Variants in CACNB2 observed in about 807,000 individuals in gnomAD.
The protein encoded by CACNB2 is voltage-dependent L-type calcium channel subunit beta-2.
Under a neutral mutation model 73.3 loss-of-function variants are expected in CACNB2, and 42 were observed. The observed-to-expected ratio is 0.57, with a 90% CI of 0.45 to 0.74. The LOEUF is 0.74. CACNB2 is among the 30% of genes least tolerant of loss of function. The pLI, the probability that CACNB2 is intolerant of heterozygous loss-of-function variation, is 0.00. For missense variants in CACNB2, 940 were observed against 853.0 expected, an observed-to-expected ratio of 1.10 and a Z score of -1.27; for synonymous variants, 348 against 310.3, an observed-to-expected ratio of 1.12 and a Z score of -1.28.
chr10:18,303,394 G>A (rs1322350233), intron 2 of CACNB2, among the ~76,000 whole-genome samples: 5 of 152,174 alleles, frequency 3.3e-5, no homozygotes, highest in South Asian at 2.1e-4. Context: ...GTTCCCAGCC[G>A]CTCAGGGGGC....
chr10:18,516,217 CA>C (rs144860586), intron 7 of CACNB2, among the ~76,000 whole-genome samples: 7,304 of 142,058 alleles, frequency 0.051, 266 homozygotes, highest in Non-Finnish European at 0.079. Flanking sequence ...AACTCTGTCT[CA>C]AAAAAAAGAA....
At chr10:18,410,085 T>C (rs571535423) in intron 3 of CACNB2, among the ~76,000 whole-genome samples, 1 of 152,230 alleles carries the variant, frequency 6.6e-6, no homozygotes, top group Non-Finnish European at 1.5e-5. Flanking sequence ...GCCTGTTACC[T>C]CCAGTTCCAC....
chr10:18,482,825 T>A (rs1369703402), intron 3 of CACNB2, among the ~76,000 whole-genome samples: 4 of 152,178 alleles, frequency 2.6e-5, no homozygotes, highest in Non-Finnish European at 5.9e-5. Flanking sequence ...GGTATCTTTA[T>A]TAAAGACCTT....
intron 2 of CACNB2, among the ~76,000 whole-genome samples, chr10:18,200,644 T>G (rs548700401): frequency 1.3e-5 from 2 of 152,296 alleles, no homozygotes; most frequent in East Asian, 3.9e-4. Flanking sequence ...AGTCTACCTT[T>G]TTCCCCGCGG....
At chr10:18,483,909 G>A (rs1049786889) in intron 3 of CACNB2, among the ~76,000 whole-genome samples, 6 of 152,052 alleles carry the variant, frequency 3.9e-5, no homozygotes, top group African/African-American at 4.8e-5. Context: ...TACTGTCCTC[G>A]CCACAGAATA....
intron 2 of CACNB2, among the ~76,000 whole-genome samples, chr10:18,377,482 C>A (rs1018290154): frequency 1.3e-5 from 2 of 152,136 alleles, no homozygotes; most frequent in Non-Finnish European, 2.9e-5. Context: ...ATAAAAGCAG[C>A]CATGAACAAT....
intron 6 of CACNB2, among the ~76,000 whole-genome samples, chr10:18,511,131 C>G (rs1292067961): frequency 3.3e-5 from 5 of 152,154 alleles, no homozygotes; most frequent in African/African-American, 9.7e-5. Flanking sequence ...CATGTTAAAC[C>G]TTTTAGCACA....
chr10:18,410,611 A>C (rs888737198), intron 3 of CACNB2, among the ~76,000 whole-genome samples: 6 of 152,212 alleles, frequency 3.9e-5, no homozygotes, highest in African/African-American at 1.4e-4. Context: ...TATGTTCTTA[A>C]ACCTACAAGA....
intron 2 of CACNB2, among the ~76,000 whole-genome samples, chr10:18,218,133 A>G (rs1010130724): frequency 6.6e-6 from 1 of 152,204 alleles, no homozygotes; most frequent in African/African-American, 2.4e-5. Flanking sequence ...AGACCACTTC[A>G]GTCTAACATG....
intron 2 of CACNB2, among the ~76,000 whole-genome samples, chr10:18,239,913 T>C (rs564244305): frequency 1.3e-3 from 192 of 152,322 alleles, no homozygotes; most frequent in African/African-American, 4.4e-3. Context: ...TCAAGGAATA[T>C]GTATATTACC....
At chr10:18,351,073 G>A (rs1421287919) in intron 2 of CACNB2, among the ~76,000 whole-genome samples, 2 of 151,462 alleles carry the variant, frequency 1.3e-5, no homozygotes, top group Non-Finnish European at 2.9e-5. Context: ...ATAGCATAGA[G>A]TCATTCTCAC....
At position 18,541,029 on chromosome 10, in the gene CACNB2, T is replaced by TA. The variant is rs2054043542; in HGVS notation, c.*1306dup. ...CTGGAAATGTACAATCTTTGTGTGT[T>TA]AGAGTATTTGTTTTAGTAAGAAATG... is the stretch of plus-strand genomic sequence containing the variant. On this transcript the variant is annotated 3_prime_UTR_variant, in exon 14 of 14. Transcript: ENST00000324631. 1 of 123,576 alleles carries TA rather than the reference T, an allele frequency of 8.1e-6. No homozygotes were observed. Among genetic ancestry groups the TA allele is most frequent in the Non-Finnish European group, 1.7e-5 (1 of 57,776 alleles). The allele number at this position is 123,576 out of a possible 1,614,324, so 7.7% of individuals were successfully genotyped here.
chr10:18,388,140 C>T (rs1163932096), intron 2 of CACNB2, among the ~76,000 whole-genome samples: 1 of 152,186 alleles, frequency 6.6e-6, no homozygotes, highest in East Asian at 1.9e-4. Flanking sequence ...GTTTTGCTAT[C>T]ATTAAAGTCC....
chr10:18,394,361 A>G (rs1056939096), intron 2 of CACNB2, among the ~76,000 whole-genome samples: 3 of 152,188 alleles, frequency 2.0e-5, no homozygotes, highest in African/African-American at 7.2e-5. Flanking sequence ...TGCCTTTATG[A>G]TCGTTAGAAA....
chr10:18,160,955 G>A (rs985473853), intron 2 of CACNB2, among the ~76,000 whole-genome samples: 1 of 152,084 alleles, frequency 6.6e-6, no homozygotes, highest in Non-Finnish European at 1.5e-5. Context: ...TCTTTAGTCC[G>A]CAATTGTGAC....
Position 18,539,596 on chromosome 10 carries a change from A to G in CACNB2, c.1855A>G (p.Asn619Asp), listed in dbSNP as rs1362502929. Residue 619 changes from asparagine to aspartate, a missense_variant, in exon 14 of 14, where the codon AAC (asparagine) becomes GAC (aspartate). Asn to Asp is a conservative substitution (Grantham distance 23, BLOSUM62 1). Transcript: ENST00000324631. ...SRDVDREQDHNECNKQRSRHK... is the reference protein window; with the variant it reads ...SRDVDREQDHDECNKQRSRHK... ...GGACGTGGATCGAGAGCAGGACCAC[A>G]ACGAGTGCAACAAGCAGCGCAGCCG... 1.2e-6 allele frequency: 2 copies of G among 1,613,764 alleles called. No homozygotes were observed. The highest frequency in any genetic ancestry group is 1.7e-6 in the Non-Finnish European group (2 of 1,179,916).
intron 2 of CACNB2, among the ~76,000 whole-genome samples, chr10:18,399,051 C>T (rs2043858457): frequency 6.6e-6 from 1 of 152,150 alleles, no homozygotes; most frequent in South Asian, 2.1e-4. Context: ...TTATGCGGCC[C>T]TCTCTTTATG....
chr10:18,171,121 A>G (rs2033194696), intron 2 of CACNB2, among the ~76,000 whole-genome samples: 1 of 152,142 alleles, frequency 6.6e-6, no homozygotes, highest in Admixed American at 6.6e-5. Context: ...CATTATGTTT[A>G]ACAGCACTGG....
chr10:18,150,774 T>TA (rs2031448389), intron 1 of CACNB2, 109 bp from the exon 2 acceptor site: 1 of 661,508 alleles, frequency 1.5e-6, no homozygotes, highest in East Asian at 2.7e-5. Flanking sequence ...GATGGCAATG[T>TA]ATTACTTGTT....
Sources: allele counts gnomAD v4.1 joint callset (sites outside exome capture counted in the v4.1 genomes callset), GRCh38; gene constraint gnomAD v4.1.1; transcripts MANE v1.5; gene names NCBI Gene and HGNC (gene_info 2026-07-23, HGNC 2026-07-21).